The following USP31 variants were observed in gnomAD, a reference collection of about 807,000 sequenced individuals.
USP31 encodes the protein ubiquitin specific peptidase 31, also known as ubiquitin carboxyl-terminal hydrolase 31.
Under a neutral mutation model 119.4 loss-of-function variants are expected in USP31, and 44 were observed. The observed-to-expected ratio is 0.37, with a 90% CI of 0.29 to 0.47. USP31 has a LOEUF of 0.47. Ranked by LOEUF, USP31 falls within the 20% of genes least tolerant of loss-of-function variation. The probability of loss-of-function intolerance (pLI) is 0.99; values close to 1 mark genes in which losing one functional copy is unlikely to be tolerated. For missense variants in USP31, 1,643 were observed against 1,730.2 expected (o/e 0.95, Z 0.89); for synonymous variants, 749 against 705.6 (o/e 1.06, Z -0.97).
At chr16:23,071,109 A>T (rs1900325332) in intron 15 of USP31, among the ~76,000 whole-genome samples, 1 of 152,228 alleles carries the variant, frequency 6.6e-6, no homozygotes, top group Non-Finnish European at 1.5e-5. Flanking sequence ...TAGGAATTGC[A>T]GTCCAATGTT....
At chr16:23,102,227 AT>A (rs1901907885) in intron 6 of USP31, 91 bp downstream of exon 6, 1 of 1,297,328 alleles carries the variant, frequency 7.7e-7, no homozygotes, top group Non-Finnish European at 1.0e-6. Flanking sequence ...TTAAAAAAAA[AT>A]GTATATCATT....
intron 13 of USP31, among the ~76,000 whole-genome samples, chr16:23,078,007 C>T (rs545994368): frequency 2.0e-5 from 3 of 152,264 alleles, no homozygotes; most frequent in African/African-American, 7.2e-5. Context: ...ACAGAACATT[C>T]TGTGGTCATT....
Position 23,075,827 on chromosome 16 carries a change from C to T in USP31, c.2177-1947G>A, listed in dbSNP as rs536875614. 1.6e-4 allele frequency among the ~76,000 whole-genome samples: 25 copies of T among 152,286 alleles called. 1 individual carries two copies. In the South Asian group the frequency reaches 4.8e-3, roughly 29 times the overall value. The stretch of plus-strand genomic sequence containing the variant: ...CCAGGCCGGCCATGGTGGCTTATGC[C>T]TACAATCCCAACACTTTGTGAGGCT... On this transcript the variant is annotated intron_variant, in intron 13 of 15. Coordinates refer to ENST00000219689, the MANE Select transcript of USP31 (RefSeq NM_020718.4).
chr16:23,106,206 T>C lies in USP31; in HGVS notation c.953+7A>G. On this transcript the variant is annotated splice_region_variant and intron_variant, in intron 4 of 15. Transcript: ENST00000219689. Reference sequence around the variant, plus strand: ...TACAGTCTTCATTTTACTAAATCCATTCTTACCTTGTGTGGGGCAGAGGAA... The same window carrying C: ...TACAGTCTTCATTTTACTAAATCCACTCTTACCTTGTGTGGGGCAGAGGAA... 2 of 1,614,178 alleles carry C rather than the reference T, an allele frequency of 1.2e-6. No homozygotes were observed. The highest frequency in any genetic ancestry group is 1.7e-6 in the Non-Finnish European group (2 of 1,180,014).
At chr16:23,139,088 T>A (rs1239698899) in intron 1 of USP31, among the ~76,000 whole-genome samples, 8 of 152,116 alleles carry the variant, frequency 5.3e-5, no homozygotes, top group Non-Finnish European at 1.5e-5. Flanking sequence ...ACCAACCTGA[T>A]TTGTTTCTTA....
chr16:23,145,762 C>T (rs552170452), intron 1 of USP31, among the ~76,000 whole-genome samples: 2 of 152,338 alleles, frequency 1.3e-5, no homozygotes, highest in Non-Finnish European at 2.9e-5. Context: ...CCATCCACCT[C>T]CGGAATCACT....
At chr16:23,115,678 T>A in intron 1 of USP31, 3 of 650,270 alleles carry the variant, frequency 4.6e-6, no homozygotes, top group Non-Finnish European at 5.7e-6. Flanking sequence ...ATAAACACAT[T>A]TGACCCCTGC....
chr16:23,075,747 C>G, intron 13 of USP31, among the ~76,000 whole-genome samples: 1 of 152,224 alleles, frequency 6.6e-6, no homozygotes, highest in East Asian at 1.9e-4. Context: ...TATCATTATA[C>G]CATCGATTAT....
intron 1 of USP31, among the ~76,000 whole-genome samples, chr16:23,109,852 A>AT: frequency 6.6e-6 from 1 of 151,182 alleles, no homozygotes; most frequent in South Asian, 2.1e-4. Flanking sequence ...AAAAAAAAAA[A>AT]AAAAAAAAAT....
At chr16:23,092,158 G>T (rs554645620) in intron 6 of USP31, among the ~76,000 whole-genome samples, 1 of 152,308 alleles carries the variant, frequency 6.6e-6, no homozygotes, top group Admixed American at 6.5e-5. Flanking sequence ...GAAAGCAGTA[G>T]CCTCATTATA....
chr16:23,100,924 A>C (rs1419395570), intron 6 of USP31, among the ~76,000 whole-genome samples: 6 of 152,192 alleles, frequency 3.9e-5, no homozygotes, highest in Non-Finnish European at 8.8e-5. Flanking sequence ...TCTGAGAAAC[A>C]GAGTAACCTG....
chr16:23,115,834 A>G (rs1289610065), intron 1 of USP31: 1 of 947,470 alleles, frequency 1.1e-6, no homozygotes, highest in African/African-American at 1.8e-5. Flanking sequence ...TTTCCCTTAA[A>G]GAAAAAAAAA....
chr16:23,118,123 G>C (rs905309628), intron 1 of USP31, among the ~76,000 whole-genome samples: 1 of 152,046 alleles, frequency 6.6e-6, no homozygotes, highest in African/African-American at 2.4e-5. Context: ...GTGCTTCTCT[G>C]AGCCTCAGTC....
intron 1 of USP31, among the ~76,000 whole-genome samples, chr16:23,127,538 C>G (rs1902898957): frequency 6.6e-6 from 1 of 152,134 alleles, no homozygotes; most frequent in South Asian, 2.1e-4. Flanking sequence ...TCTCAGCTCA[C>G]TGCAACCTCT....
intron 6 of USP31, among the ~76,000 whole-genome samples, chr16:23,096,126 C>G (rs1273336733): frequency 6.6e-6 from 1 of 150,910 alleles, no homozygotes; most frequent in African/African-American, 2.4e-5. Flanking sequence ...CAAGTAGGCT[C>G]AAAATAAAAG....
intron 1 of USP31, among the ~76,000 whole-genome samples, chr16:23,119,709 G>T (rs755930764): frequency 1.3e-5 from 2 of 152,148 alleles, no homozygotes; most frequent in Non-Finnish European, 2.9e-5. Context: ...CAAAAATGCC[G>T]TTTATCTAAT....
intron 1 of USP31, among the ~76,000 whole-genome samples, chr16:23,115,584 GA>G (rs1221417815): frequency 1.3e-5 from 2 of 152,144 alleles, no homozygotes; most frequent in South Asian, 4.1e-4. Flanking sequence ...CTATTTTACA[GA>G]ATGTGGGTAT....
intron 1 of USP31, among the ~76,000 whole-genome samples, chr16:23,129,648 T>C (rs929940572): frequency 3.3e-5 from 5 of 152,204 alleles, no homozygotes; most frequent in Non-Finnish European, 5.9e-5. Context: ...CTTAGTTATA[T>C]ATAGTTGAAA....
In USP31 at chr16:23,069,047, C is replaced by T. The variant is rs1370141146; in HGVS notation, c.3058G>A (p.Glu1020Lys). 1.2e-6 allele frequency: 2 copies of T among 1,613,064 alleles called. No individual in the cohort carries two copies. Among genetic ancestry groups the T allele is most frequent in the African/African-American group, 2.7e-5 (2 of 74,934 alleles). The change falls in exon 16 of 16, where the codon GAG becomes AAG. Residue 1020 changes from glutamate to lysine, a missense_variant. Around this residue, in one of 5 missense-constraint regions of USP31, gnomAD observed 699 missense variants for 650.9 expected, o/e 1.07. Coordinates refer to ENST00000219689, the MANE Select transcript of USP31 (RefSeq NM_020718.4). Reference sequence around the variant, plus strand: ...CTGGGGGATCTCTTAGTTGTGCTCTCTGGTTTCTTTGCGAGTGAGCCTGGG... The same window carrying T: ...CTGGGGGATCTCTTAGTTGTGCTCTTTGGTTTCTTTGCGAGTGAGCCTGGG... ...SHPGSLAKKP[E>K]STTKRSPSSK... is the part of the protein sequence containing the mutation.
Sources: gnomAD v4.1 joint callset for allele counts (sites outside exome capture counted in the v4.1 genomes callset) on GRCh38, gnomAD v4.1.1 for gene constraint, gnomAD v4.1.1 regional missense constraint, MANE v1.5 for transcripts, NCBI Gene and HGNC (gene_info 2026-07-23, HGNC 2026-07-21) for gene names.